RBFOX1: variants seen among roughly 807,000 people sequenced by gnomAD.
RBFOX1 encodes RNA binding fox-1 homolog 1.
A neutral mutation model predicts 57.7 loss-of-function variants in RBFOX1; 8 were observed. The ratio of observed to expected loss-of-function variants is 0.14; its 90% CI spans 0.08 to 0.25. The LOEUF is 0.25. Among genes scored for constraint, RBFOX1 ranks in the 10% least tolerant of loss-of-function variants. RBFOX1 has a pLI of 1.00. For synonymous variants in RBFOX1, 326 were observed against 222.4 expected (o/e 1.47, Z -4.15); for missense variants, 611 against 548.5 (o/e 1.11, Z -1.14).
intron 4 of RBFOX1, among the ~76,000 whole-genome samples, chr16:7,301,570 G>A (rs770207342): frequency 6.6e-6 from 1 of 152,176 alleles, no homozygotes; most frequent in Non-Finnish European, 1.5e-5. Flanking sequence ...CCTTAGTGCA[G>A]CCAAGAGCAT....
At chr16:6,960,311 G>A (rs8044429) in intron 3 of RBFOX1, among the ~76,000 whole-genome samples, 99,007 of 151,950 alleles carry the variant, frequency 0.65, 32,433 homozygotes, top group African/African-American at 0.7. Flanking sequence ...AATCACTTAC[G>A]TCTTTAGACG....
At chr16:7,207,890 GTGA>G (rs2090321567) in intron 4 of RBFOX1, among the ~76,000 whole-genome samples, 1 of 152,184 alleles carries the variant, frequency 6.6e-6, no homozygotes, top group Non-Finnish European at 1.5e-5. Context: ...AATGGTGACA[GTGA>G]GAGTTGAACT....
intron 4 of RBFOX1, among the ~76,000 whole-genome samples, chr16:7,334,728 C>G (rs981182476): frequency 6.6e-6 from 1 of 152,144 alleles, no homozygotes; most frequent in African/African-American, 2.4e-5. Context: ...GGACGTATTA[C>G]CCCAGTGATA....
At chr16:5,565,288 C>A (rs8062634) in intron 2 of RBFOX1, among the ~76,000 whole-genome samples, 39 of 152,078 alleles carry the variant, frequency 2.6e-4, no homozygotes, top group Non-Finnish European at 5.9e-5. Context: ...CACGTGCGTG[C>A]GTGTGTTCAT....
chr16:6,657,828 T>TATTTA (rs1404533500), intron 3 of RBFOX1, among the ~76,000 whole-genome samples: 3 of 152,028 alleles, frequency 2.0e-5, no homozygotes, highest in Admixed American at 6.5e-5. Flanking sequence ...AAGCTCTTTT[T>TATTTA]ATTTTATTTT....
At chr16:7,068,499 C>T (rs1007138221) in intron 4 of RBFOX1, among the ~76,000 whole-genome samples, 6 of 152,194 alleles carry the variant, frequency 3.9e-5, no homozygotes, top group South Asian at 2.1e-4. Flanking sequence ...GCATTCATTG[C>T]TTCACCATTT....
At chr16:7,212,032 T>C (rs2091242645) in intron 4 of RBFOX1, among the ~76,000 whole-genome samples, 1 of 152,106 alleles carries the variant, frequency 6.6e-6, no homozygotes, top group African/African-American at 2.4e-5. Flanking sequence ...TCACGGTTTC[T>C]GGAAAAGTGG....
At chr16:7,349,119 A>G (rs1013869366) in intron 4 of RBFOX1, among the ~76,000 whole-genome samples, 5 of 152,156 alleles carry the variant, frequency 3.3e-5, no homozygotes, top group African/African-American at 4.8e-5. Context: ...GGTTGCTCCT[A>G]TGGTTCTCAG....
At chr16:6,722,371 A>T (rs1012767019) in intron 3 of RBFOX1, among the ~76,000 whole-genome samples, 3 of 152,232 alleles carry the variant, frequency 2.0e-5, no homozygotes, top group Admixed American at 1.3e-4. Context: ...AGGTGTGAGG[A>T]GGTTGCTCTA....
At chr16:5,728,748 A>G (rs762334525) in intron 3 of RBFOX1, among the ~76,000 whole-genome samples, 22 of 152,090 alleles carry the variant, frequency 1.4e-4, no homozygotes, top group Non-Finnish European at 2.6e-4. Context: ...CCAGGCACAG[A>G]GGCAGCTCCA....
chr16:7,274,786 G>C (rs985122189), intron 4 of RBFOX1, among the ~76,000 whole-genome samples: 2 of 152,182 alleles, frequency 1.3e-5, no homozygotes, highest in African/African-American at 2.4e-5. Flanking sequence ...CCAGGTTCCA[G>C]TGATTCTCAT....
At chr16:7,221,671 C>T (rs549203571) in intron 4 of RBFOX1, among the ~76,000 whole-genome samples, 1 of 152,144 alleles carries the variant, frequency 6.6e-6, no homozygotes, top group Non-Finnish European at 1.5e-5. Flanking sequence ...CTGCCGTTGA[C>T]TTATTTATTT....
intron 4 of RBFOX1, among the ~76,000 whole-genome samples, chr16:7,121,670 A>G (rs2151815437): frequency 6.6e-6 from 1 of 152,186 alleles, no homozygotes; most frequent in Non-Finnish European, 1.5e-5. Flanking sequence ...AAATTCTAGC[A>G]GGTATTTTTG....
intron 2 of RBFOX1, among the ~76,000 whole-genome samples, chr16:6,646,198 C>G (rs1339624746): frequency 1.3e-5 from 2 of 151,992 alleles, no homozygotes; most frequent in Admixed American, 6.6e-5. Flanking sequence ...CGGAACCCAC[C>G]CAGAGACACC....
At chr16:6,111,681 T>A (rs1363840328) in intron 1 of RBFOX1, among the ~76,000 whole-genome samples, 1 of 152,174 alleles carries the variant, frequency 6.6e-6, no homozygotes, top group Non-Finnish European at 1.5e-5. Context: ...AAGGCAGTAT[T>A]TCAAGGAGTT....
At chr16:5,814,941 GAAAA>G (rs1210731407) in intron 3 of RBFOX1, among the ~76,000 whole-genome samples, 1 of 146,570 alleles carries the variant, frequency 6.8e-6, no homozygotes, top group Non-Finnish European at 1.5e-5. Flanking sequence ...GTCTCAAAAA[GAAAA>G]AAAAGAAAAA....
At chr16:6,259,439 T>G (rs941598067) in intron 1 of RBFOX1, among the ~76,000 whole-genome samples, 1 of 152,142 alleles carries the variant, frequency 6.6e-6, no homozygotes, top group African/African-American at 2.4e-5. Context: ...TATTTTCATG[T>G]GTCTCTGTGT....
intron 4 of RBFOX1, among the ~76,000 whole-genome samples, chr16:7,402,233 C>A (rs1330140946): frequency 1.1e-4 from 16 of 152,094 alleles, no homozygotes; most frequent in Admixed American, 1.0e-3. Flanking sequence ...TGAAGACTCA[C>A]CTGTAAGGGA....
chr16:7,034,848 C>CTTTTCTTTTTTTTTTTTTTTTTTTTTT lies in RBFOX1; in HGVS notation c.-15-17205_-15-17204insCTTTTTTTTTTTTTTTTTTTTTTTTTT. On this transcript the variant is annotated intron_variant, in intron 3 of 15. Coordinates refer to ENST00000550418, the MANE Select transcript of RBFOX1 (RefSeq NM_018723.4). Reference sequence around the variant, plus strand: ...ATTACTTTTTTTTTTTTTCTTTTTTCTTTTTTTTTTTTTTTTTTGAGATGG... The same window carrying CTTTTCTTTTTTTTTTTTTTTTTTTTTT: ...ATTACTTTTTTTTTTTTTCTTTTTTCTTTTCTTTTTTTTTTTTTTTTTTTTTTTTTTTTTTTTTTTTTTTTGAGATGG... 1.9e-3 allele frequency among the ~76,000 whole-genome samples: 59 copies of CTTTTCTTTTTTTTTTTTTTTTTTTTTT among 30,838 alleles called. 1 individual carries two copies. The highest frequency in any genetic ancestry group is 3.3e-3 in the African/African-American group (19 of 5,750). The allele number at this position is 30,838 out of a possible 152,430, so 20.2% of individuals were successfully genotyped here.
Sources: allele counts gnomAD v4.1 joint callset (sites outside exome capture counted in the v4.1 genomes callset), GRCh38; gene constraint gnomAD v4.1.1; transcripts MANE v1.5; gene names NCBI Gene and HGNC (gene_info 2026-07-23, HGNC 2026-07-21).